MROH9: variants seen among roughly 807,000 people sequenced by gnomAD.
The protein encoded by MROH9 is maestro heat-like repeat-containing protein family member 9.
In MROH9, 92 loss-of-function variants were observed where a neutral mutation model predicts 98.2. That is an observed-to-expected ratio of 0.94 (90% confidence interval 0.79 to 1.11). The LOEUF (loss-of-function observed/expected upper bound fraction) is 1.11, where lower values mean the gene tolerates loss of function less well. Ranked by LOEUF, MROH9 falls within the 50% of genes most tolerant of loss-of-function variation. The probability of loss-of-function intolerance (pLI) is 0.00; values close to 1 mark genes in which losing one functional copy is unlikely to be tolerated. For missense variants in MROH9, 1,057 were observed against 1,014.8 expected, an observed-to-expected ratio of 1.04 and a Z score of -0.57; for synonymous variants, 397 against 368.9, an observed-to-expected ratio of 1.08 and a Z score of -0.87.
intron 15 of MROH9, 110 bp downstream of exon 15, chr1:170,998,384 A>G (rs981816464): frequency 6.2e-7 from 1 of 1,610,466 alleles, no homozygotes; most frequent in Non-Finnish European, 8.5e-7. Context: ...GGTTCTTACC[A>G]AGACTTAAGA....
At position 171,034,533 on chromosome 1, in the gene MROH9, A is replaced by C. The variant is rs139118223; in HGVS notation, c.2281+9113A>C. Among the ~76,000 whole-genome samples the C allele has an allele frequency of 2.7e-3, 411 of 152,312 alleles. 1 individual carries two copies. Among genetic ancestry groups the C allele is most frequent in the Admixed American group, 3.7e-3 (56 of 15,286 alleles). On this transcript the variant is annotated intron_variant, in intron 20 of 21. Transcript: ENST00000367759. ...TGGGTACAACACTTAATGTCCATTA[A>C]TGCATTTAATGAGCAGAGGTATGCT...
At chr1:170,937,940 G>T (rs538147142) in intron 1 of MROH9, among the ~76,000 whole-genome samples, 243 of 152,198 alleles carry the variant, frequency 1.6e-3, no homozygotes, top group African/African-American at 5.2e-3. Context: ...TAAAGGTCTG[G>T]GTCACTAGTA....
In MROH9 at chr1:170,998,164, G is replaced by T. The variant is rs769005522; in HGVS notation, c.1486G>T (p.Glu496Ter). The change falls in exon 15 of 22, where the codon GAA becomes TAA. Residue 496 changes from glutamate (E) to a stop codon, truncating the protein, a stop_gained. Transcript: ENST00000367759. LOFTEE classifies it high-confidence loss of function. ...GVCFIAKTLS[E>*]YNFPQFPETL... is the part of the protein sequence containing the mutation. Reference sequence around the variant, plus strand: ...TATTCTCTTTTACAGAACTCTCAGTGAATATAACTTTCCACAGTTTCCGGA... The same window carrying T: ...TATTCTCTTTTACAGAACTCTCAGTTAATATAACTTTCCACAGTTTCCGGA... 1 of 1,605,746 alleles carries T rather than the reference G, an allele frequency of 6.2e-7. No homozygotes were observed. The highest frequency in any genetic ancestry group is 1.1e-5 in the South Asian group (1 of 89,064).
chr1:171,055,114 T>C (rs1247552475), intron 20 of MROH9, among the ~76,000 whole-genome samples: 1 of 151,432 alleles, frequency 6.6e-6, no homozygotes, highest in Non-Finnish European at 1.5e-5. Flanking sequence ...CTGGCCTAAA[T>C]GTCCGTCAAT....
chr1:170,995,661 T>A (rs1332434364), intron 13 of MROH9, 130 bp downstream of exon 13: 2 of 1,082,228 alleles, frequency 1.8e-6, no homozygotes, highest in African/African-American at 3.2e-5. Flanking sequence ...TACAGTTTTC[T>A]CTCCTCTGAA....
intron 6 of MROH9, among the ~76,000 whole-genome samples, chr1:170,962,534 C>G (rs1650055058): frequency 6.6e-6 from 1 of 152,106 alleles, no homozygotes; most frequent in Non-Finnish European, 1.5e-5. Flanking sequence ...CTTTGCATTC[C>G]TAACATGTTG....
chr1:170,957,946 C>T (rs1443787681), intron 3 of MROH9, among the ~76,000 whole-genome samples: 1 of 152,016 alleles, frequency 6.6e-6, no homozygotes, highest in South Asian at 2.1e-4. Flanking sequence ...GTAGCTGGGA[C>T]TACAGGCGCC....
At chr1:171,058,695 T>A (rs892271911) in intron 20 of MROH9, among the ~76,000 whole-genome samples, 10 of 152,010 alleles carry the variant, frequency 6.6e-5, no homozygotes, top group African/African-American at 2.4e-4. Flanking sequence ...ACACTACACA[T>A]CTACAACCAT....
Position 170,983,542 on chromosome 1 carries a change from A to T in MROH9, c.729+8A>T. 6.5e-7 allele frequency: 1 copy of T among 1,537,916 alleles called. No individual in the cohort carries two copies. The highest frequency in any genetic ancestry group is 1.4e-5 in the African/African-American group (1 of 73,312). Reference sequence around the variant, plus strand: ...GAAAGTAAAATAGCTCAGGTAACTTAGCCCCCACTTTTTCCGAGGGCTTTT... The same window carrying T: ...GAAAGTAAAATAGCTCAGGTAACTTTGCCCCCACTTTTTCCGAGGGCTTTT... On this transcript the variant is annotated splice_region_variant and intron_variant, in intron 9 of 21. Transcript: ENST00000367759.
chr1:170,983,542 A>C lies in MROH9; in HGVS notation c.729+8A>C, dbSNP rs1358917019. On this transcript the variant is annotated splice_region_variant and intron_variant, in intron 9 of 21. Transcript: ENST00000367759. ...GAAAGTAAAATAGCTCAGGTAACTT[A>C]GCCCCCACTTTTTCCGAGGGCTTTT... 6.5e-7 allele frequency: 1 copy of C among 1,537,916 alleles called. No individual in the cohort carries two copies. The highest frequency in any genetic ancestry group is 2.3e-5 in the East Asian group (1 of 44,336).
At chr1:171,011,617 T>C (rs546517893) in intron 15 of MROH9, among the ~76,000 whole-genome samples, 1 of 152,308 alleles carries the variant, frequency 6.6e-6, no homozygotes, top group Non-Finnish European at 1.5e-5. Flanking sequence ...ATTTTTTAAG[T>C]ACATAAGCCA....
chr1:170,943,103 AT>A (rs1649187114), intron 1 of MROH9, among the ~76,000 whole-genome samples: 2 of 152,130 alleles, frequency 1.3e-5, no homozygotes, highest in South Asian at 4.1e-4. Context: ...ATCTAAACAA[AT>A]TTTTTACAAG....
chr1:170,938,539 G>T (rs980487376), intron 1 of MROH9, among the ~76,000 whole-genome samples: 1 of 152,300 alleles, frequency 6.6e-6, no homozygotes, highest in South Asian at 2.1e-4. Context: ...CTTTAGGATG[G>T]TGGGGAACAT....
rs1397748001 is a variant in MROH9, at chr1:171,014,139, A to T, written c.1619A>T (p.Asp540Val). 6.4e-7 allele frequency: 1 copy of T among 1,550,810 alleles called. No homozygotes were observed. Among genetic ancestry groups the T allele is most frequent in the African/African-American group, 1.4e-5 (1 of 73,136 alleles). Residue 540 changes from aspartate (D) to valine (V), a missense_variant, in exon 16 of 22, where the codon GAC becomes GTC. Transcript: ENST00000367759. ...LTELLNNFFK[D>V]PLPEEFLVLF... is the part of the protein sequence containing the mutation. ...CAGCTTCTGAATAACTTCTTCAAGG[A>T]CCCTTTACCAGAAGAATTTTTGGTC...
chr1:170,970,958 G>A (rs1650434806), intron 7 of MROH9, among the ~76,000 whole-genome samples: 1 of 152,182 alleles, frequency 6.6e-6, no homozygotes, highest in African/African-American at 2.4e-5. Flanking sequence ...CTATCTGCAA[G>A]TCATGCTGCT....
At chr1:171,050,205 C>A (rs1357862657) in intron 20 of MROH9, among the ~76,000 whole-genome samples, 1 of 152,110 alleles carries the variant, frequency 6.6e-6, no homozygotes, top group Non-Finnish European at 1.5e-5. Context: ...TTTCTTTACC[C>A]AAGCCAATGT....
intron 20 of MROH9, among the ~76,000 whole-genome samples, chr1:171,047,281 C>T (rs1401059553): frequency 6.6e-6 from 1 of 152,112 alleles, no homozygotes; most frequent in Admixed American, 6.5e-5. Context: ...TTCTCTGCAT[C>T]CTCTTTAAGG....
chr1:171,034,586 C>A (rs780597471), intron 20 of MROH9, among the ~76,000 whole-genome samples: 1 of 152,156 alleles, frequency 6.6e-6, no homozygotes, highest in African/African-American at 2.4e-5. Flanking sequence ...TATGACAGTG[C>A]TATTCACAAA....
At chr1:170,952,064 CAG>C (rs1434072457) in intron 3 of MROH9, among the ~76,000 whole-genome samples, 2 of 151,564 alleles carry the variant, frequency 1.3e-5, no homozygotes, top group Non-Finnish European at 3.0e-5. Flanking sequence ...CATCTCACAC[CAG>C]TTAGAATGGC....
Sources: allele counts gnomAD v4.1 joint callset (sites outside exome capture counted in the v4.1 genomes callset), GRCh38; gene constraint gnomAD v4.1.1; transcripts MANE v1.5; gene names NCBI Gene and HGNC (gene_info 2026-07-23, HGNC 2026-07-21).